MMS22L: variants seen among roughly 807,000 people sequenced by gnomAD.
The protein encoded by MMS22L is protein MMS22-like.
MMS22L carries 74 observed loss-of-function variants against 159.1 expected under a neutral mutation model. The ratio of observed to expected loss-of-function variants is 0.47; its 90% confidence interval spans 0.39 to 0.56. The LOEUF (loss-of-function observed/expected upper bound fraction) is 0.56, where lower values mean the gene tolerates loss of function less well. Among genes scored for constraint, MMS22L ranks in the 20% least tolerant of loss-of-function variants. The probability of loss-of-function intolerance (pLI) is 0.00; values close to 1 mark genes in which losing one functional copy is unlikely to be tolerated. For missense variants in MMS22L, 1,351 were observed against 1,422.1 expected (o/e 0.95, Z 0.80); for synonymous variants, 517 against 506.9 (o/e 1.02, Z -0.27).
At chr6:97,147,258 C>T (rs565176043) in intron 24 of MMS22L, among the ~76,000 whole-genome samples, 7 of 152,222 alleles carry the variant, frequency 4.6e-5, no homozygotes, top group African/African-American at 1.7e-4. Context: ...AGTATTAAAA[C>T]AAAAATTCTG....
At chr6:97,188,972 AAAT>A (rs888709616) in intron 14 of MMS22L, among the ~76,000 whole-genome samples, 63 of 151,598 alleles carry the variant, frequency 4.2e-4, no homozygotes, top group African/African-American at 1.3e-3. Flanking sequence ...AATAATTTAA[AAAT>A]AATAATAATA....
intron 14 of MMS22L, among the ~76,000 whole-genome samples, chr6:97,222,093 GC>G (rs1179664559): frequency 6.6e-6 from 1 of 151,578 alleles, no homozygotes; most frequent in Non-Finnish European, 1.5e-5. Flanking sequence ...CTCCTTTTTT[GC>G]CTAGGCAATC....
chr6:97,174,525 C>T (rs758306992), intron 18 of MMS22L, among the ~76,000 whole-genome samples: 2 of 152,022 alleles, frequency 1.3e-5, no homozygotes, highest in African/African-American at 2.4e-5. Context: ...GTAAGAGTAG[C>T]TGAAGTAAGG....
Position 97,229,188 on chromosome 6 carries a change from G to T in MMS22L, c.1745C>A (p.Ala582Asp). The part of the protein sequence containing the change: ...KGHMAFLLMY[A>D]QKNLDIGVLA... ...AACACCAATGTCCAGATTTTTCTGG[G>T]CATACATCAAGAGGAAGGCCATGTG... The change falls in exon 14 of 25, where the codon GCC (alanine) becomes GAC (aspartate). Residue 582 changes from alanine to aspartate, a missense_variant. Ala to Asp is a moderately radical substitution (Grantham distance 126, BLOSUM62 -2). Coordinates refer to ENST00000683635, the MANE Select transcript of MMS22L (RefSeq NM_001350599.2). 1 of 1,614,044 alleles carries T rather than the reference G, an allele frequency of 6.2e-7. No individual in the cohort carries two copies.
chr6:97,261,912 A>G (rs1234944195), intron 9 of MMS22L: 1 of 152,128 alleles, frequency 6.6e-6, no homozygotes, highest in Non-Finnish European at 1.5e-5. Context: ...CCTGGGCTCA[A>G]TGGTTTGAAA....
At chr6:97,278,402 C>CA (rs76586542) in intron 4 of MMS22L, among the ~76,000 whole-genome samples, 2,047 of 75,768 alleles carry the variant, frequency 0.027, 69 homozygotes, top group African/African-American at 0.085. Flanking sequence ...AACTCCCTAT[C>CA]AAAAAAAAAA....
At chr6:97,187,094 A>G (rs1448934404) in intron 14 of MMS22L, among the ~76,000 whole-genome samples, 1 of 145,838 alleles carries the variant, frequency 6.9e-6, no homozygotes, top group Admixed American at 6.6e-5. Context: ...GGTAAGTACA[A>G]CTGGCTTATG....
chr6:97,153,461 T>A (rs1377295139), intron 22 of MMS22L, among the ~76,000 whole-genome samples: 1 of 140,720 alleles, frequency 7.1e-6, no homozygotes, highest in South Asian at 2.3e-4. Flanking sequence ...AACCTCTGCC[T>A]CCCGGGTTCA....
chr6:97,253,780 A>C (rs1469280727), intron 10 of MMS22L: 4 of 152,130 alleles, frequency 2.6e-5, no homozygotes, highest in Non-Finnish European at 5.9e-5. Flanking sequence ...GATTTTTTAA[A>C]ACTCACAAGT....
intron 11 of MMS22L, among the ~76,000 whole-genome samples, chr6:97,243,159 T>C (rs1463449232): frequency 6.6e-6 from 1 of 152,198 alleles, no homozygotes; most frequent in Admixed American, 6.5e-5. Flanking sequence ...GATGATTCCC[T>C]CACATAAGTT....
chr6:97,238,572 C>CATGTGTGTGTGTGTGTGTGT (rs1052667059), intron 11 of MMS22L, among the ~76,000 whole-genome samples: 3 of 91,434 alleles, frequency 3.3e-5, no homozygotes, highest in African/African-American at 1.0e-4. Flanking sequence ...TGTCTCATCT[C>CATGTGTGTGTGTGTGTGTGT]GTGTGTGTGT....
intron 14 of MMS22L, among the ~76,000 whole-genome samples, chr6:97,219,211 TCTCTTGAAATGTA>T: frequency 6.6e-6 from 1 of 152,114 alleles, no homozygotes; most frequent in East Asian, 1.9e-4. Flanking sequence ...AGCATACATT[TCTCTTGAAATGTA>T]CAAGCATGCA....
At chr6:97,180,072 A>G (rs1476874782) in intron 16 of MMS22L, among the ~76,000 whole-genome samples, 1 of 152,160 alleles carries the variant, frequency 6.6e-6, no homozygotes, top group Non-Finnish European at 1.5e-5. Context: ...TATTTATATG[A>G]AGACAATGGG....
At position 97,150,016 on chromosome 6, in the gene MMS22L, A is replaced by T. The variant is rs777692893; in HGVS notation, c.3487T>A (p.Phe1163Ile). ...SSQLTSVFRQ[F>I]IQDYGMRYYY... The stretch of plus-strand genomic sequence containing the variant: ...TACCTCATACCATAATCCTGGATAA[A>T]CTGCCTGAAAGTAAAACAGGTTTAT... The change falls in exon 24 of 25, where the codon TTT (phenylalanine) becomes ATT (isoleucine). Residue 1163 changes from phenylalanine (F) to isoleucine (I), a missense_variant. Phe to Ile is a conservative substitution (Grantham distance 21). Coordinates refer to ENST00000683635, the MANE Select transcript of MMS22L (RefSeq NM_001350599.2). 1.6e-5 allele frequency: 25 copies of T among 1,612,722 alleles called. No individual in the cohort carries two copies. The East Asian group carries it at 3.8e-4, about 24-fold the overall frequency.
Position 97,178,471 on chromosome 6 carries a change from G to T in MMS22L, c.2651C>A (p.Pro884His). 6.4e-7 allele frequency: 1 copy of T among 1,564,290 alleles called. No individual in the cohort carries two copies. Among genetic ancestry groups the T allele is most frequent in the Non-Finnish European group, 8.7e-7 (1 of 1,155,768 alleles). Residue 884 changes from proline (P) to histidine (H), a missense_variant, in exon 18 of 25, where the codon CCT becomes CAT. Coordinates refer to ENST00000683635, the MANE Select transcript of MMS22L (RefSeq NM_001350599.2). The part of the protein sequence containing the change: ...QVEYLSISED[P>H]KKALVRFFEA... ...AAAGAATCGAACAAGTGCTTTTTTA[G>T]GGTCTTCTGAGATGGATAAATATTC...
At chr6:97,236,820 G>A (rs1050005394) in intron 11 of MMS22L, among the ~76,000 whole-genome samples, 7 of 151,910 alleles carry the variant, frequency 4.6e-5, no homozygotes, top group Non-Finnish European at 8.8e-5. Flanking sequence ...TCATGGTGGC[G>A]GGTGCCTGTA....
In MMS22L at chr6:97,201,055, A is replaced by T. The variant is rs571828489; in HGVS notation, c.2040-14365T>A. Among the ~76,000 whole-genome samples the T allele has an allele frequency of 3.3e-5, 5 of 152,244 alleles. No homozygotes were observed. The South Asian group carries it at 1.0e-3, about 32-fold the overall frequency. On this transcript the variant is annotated intron_variant, in intron 14 of 24. Coordinates refer to ENST00000683635, the MANE Select transcript of MMS22L (RefSeq NM_001350599.2). ...AATTAAAAATCTTTGATAAAGCTTA[A>T]AGTCCTTATAAGAAAGTAACTTTAA...
chr6:97,172,262 C>T (rs1479727333), intron 19 of MMS22L, among the ~76,000 whole-genome samples: 1 of 151,972 alleles, frequency 6.6e-6, no homozygotes, highest in Non-Finnish European at 1.5e-5. Flanking sequence ...TTTACATCTT[C>T]TATATTTACA....
intron 11 of MMS22L, among the ~76,000 whole-genome samples, chr6:97,244,681 G>T (rs1812443583): frequency 6.6e-6 from 1 of 152,200 alleles, no homozygotes; most frequent in Non-Finnish European, 1.5e-5. Flanking sequence ...ACCTGGACTG[G>T]ATTCCTTGCT....
Sources: allele counts gnomAD v4.1 joint callset (sites outside exome capture counted in the v4.1 genomes callset), GRCh38; gene constraint gnomAD v4.1.1; transcripts MANE v1.5; gene names NCBI Gene and HGNC (gene_info 2026-07-23, HGNC 2026-07-21).